Variants in EFCAB5 observed in about 807,000 individuals in gnomAD.
The protein encoded by EFCAB5 is EF-hand calcium binding domain 5, also known as EF-hand calcium-binding domain-containing protein 5.
In EFCAB5, 131 loss-of-function variants were observed where a neutral mutation model predicts 167.9. That is an observed-to-expected ratio of 0.78 (90% CI 0.68 to 0.90). The LOEUF is 0.90. EFCAB5 is among the 40% of genes least tolerant of loss of function. The pLI is 0.00. For synonymous variants in EFCAB5, 574 were observed against 602.8 expected (o/e 0.95, Z 0.70); for missense variants, 1,663 against 1,745.2 (o/e 0.95, Z 0.84).
At chr17:30,065,153 C>A (rs887867547) in intron 14 of EFCAB5, among the ~76,000 whole-genome samples, 5 of 151,874 alleles carry the variant, frequency 3.3e-5, no homozygotes, top group African/African-American at 1.2e-4. Flanking sequence ...AGCAGATACA[C>A]AAAGGAGAAA....
chr17:30,088,823 T>G (rs1567771184), intron 19 of EFCAB5, among the ~76,000 whole-genome samples: 4 of 152,246 alleles, frequency 2.6e-5, no homozygotes, highest in Non-Finnish European at 5.9e-5. Flanking sequence ...TTTGGCCTCA[T>G]GCCAGAATGT....
chr17:30,000,603 T>G (rs533151794), intron 7 of EFCAB5, among the ~76,000 whole-genome samples: 1 of 152,348 alleles, frequency 6.6e-6, no homozygotes, highest in Non-Finnish European at 1.5e-5. Context: ...TGTTTTTCTC[T>G]GATGAGTTCC....
At chr17:30,059,414 A>G (rs1204038184) in intron 13 of EFCAB5, 131 bp from the exon 14 acceptor site, 18 of 998,230 alleles carry the variant, frequency 1.8e-5, no homozygotes, top group African/African-American at 3.2e-5. Flanking sequence ...TTTTCCCTTA[A>G]TATCATGCTT....
At chr17:29,992,930 G>T (rs1006126631) in intron 4 of EFCAB5, among the ~76,000 whole-genome samples, 3 of 152,162 alleles carry the variant, frequency 2.0e-5, no homozygotes, top group African/African-American at 7.2e-5. Context: ...CTAGTATTTA[G>T]TTGGGTAAAA....
At chr17:30,085,578 G>A (rs770254908) in intron 18 of EFCAB5, among the ~76,000 whole-genome samples, 6 of 151,978 alleles carry the variant, frequency 3.9e-5, no homozygotes, top group Non-Finnish European at 5.9e-5. Context: ...AAAATTAGCC[G>A]GGCGCGGTGG....
At position 30,092,932 on chromosome 17, in the gene EFCAB5, C is replaced by A; in HGVS notation, c.4317C>A (p.Ile1439=). The change falls in exon 22 of 23, where the codon ATC becomes ATA. Residue 1439 remains isoleucine (I), a synonymous_variant. Coordinates refer to ENST00000394835, the MANE Select transcript of EFCAB5 (RefSeq NM_198529.4). ...ATGTACAGCTTATTGATGAATATAT[C>A]AGAGGTAAATTTCCACTTAATTACA... The part of the protein sequence containing the change: ...EVNVQLIDEY[I]RDHSRTEVWK... 6.3e-7 allele frequency: 1 copy of A among 1,598,164 alleles called. No homozygotes were observed. Among genetic ancestry groups the A allele is most frequent in the South Asian group, 1.1e-5 (1 of 88,314 alleles).
chr17:29,951,373 T>C (rs566193406), intron 3 of EFCAB5, among the ~76,000 whole-genome samples: 1 of 152,310 alleles, frequency 6.6e-6, no homozygotes, highest in African/African-American at 2.4e-5. Context: ...AGTCTTTCTC[T>C]GTCTCCCAGG....
intron 18 of EFCAB5, among the ~76,000 whole-genome samples, chr17:30,083,784 C>A (rs1226520319): frequency 6.6e-6 from 1 of 152,174 alleles, no homozygotes; most frequent in Non-Finnish European, 1.5e-5. Context: ...TCCTGAGATA[C>A]ATACCCCTGG....
At chr17:30,067,732 T>C (rs1307154258) in intron 14 of EFCAB5, among the ~76,000 whole-genome samples, 1 of 152,178 alleles carries the variant, frequency 6.6e-6, no homozygotes. Context: ...TCATACTAAA[T>C]GGGCAAAAGT....
intron 3 of EFCAB5, among the ~76,000 whole-genome samples, chr17:29,948,931 T>C (rs1393127713): frequency 6.6e-6 from 1 of 152,170 alleles, no homozygotes; most frequent in Non-Finnish European, 1.5e-5. Context: ...ACCTCCTTCC[T>C]TTGCAGCAGT....
chr17:29,963,378 C>T (rs1028892907), intron 3 of EFCAB5, among the ~76,000 whole-genome samples: 5 of 152,106 alleles, frequency 3.3e-5, no homozygotes, highest in African/African-American at 1.2e-4. Context: ...GTTGAGCCAC[C>T]TTTGCATTCC....
At chr17:30,001,694 G>A (rs1252379756) in intron 7 of EFCAB5, among the ~76,000 whole-genome samples, 4 of 151,926 alleles carry the variant, frequency 2.6e-5, no homozygotes. Context: ...AAATTTAAAG[G>A]CATAAAAATG....
chr17:29,975,346 G>A (rs1192408771), intron 4 of EFCAB5, among the ~76,000 whole-genome samples: 4 of 151,292 alleles, frequency 2.6e-5, no homozygotes, highest in South Asian at 4.2e-4. Flanking sequence ...TGCAACCTCC[G>A]CCTCCCGGCA....
At chr17:30,079,322 A>G (rs2070935347) in intron 15 of EFCAB5, among the ~76,000 whole-genome samples, 1 of 152,114 alleles carries the variant, frequency 6.6e-6, no homozygotes, top group African/African-American at 2.4e-5. Context: ...TTTGTTAATG[A>G]CTCCATAGAT....
intron 18 of EFCAB5, among the ~76,000 whole-genome samples, chr17:30,084,119 A>T (rs1441751247): frequency 6.6e-6 from 1 of 152,040 alleles, no homozygotes; most frequent in Non-Finnish European, 1.5e-5. Context: ...GCATGTCCAC[A>T]CTTCCCTCCG....
intron 5 of EFCAB5, 144 bp from the exon 6 acceptor site, chr17:29,996,168 T>C (rs1484804202): frequency 4.9e-6 from 3 of 612,246 alleles, no homozygotes; most frequent in Admixed American, 3.0e-5. Context: ...ATGTGACTTA[T>C]TACTATTTCT....
At chr17:30,059,402 C>A in intron 13 of EFCAB5, 143 bp from the exon 14 acceptor site, 2 of 838,414 alleles carry the variant, frequency 2.4e-6, no homozygotes, top group Non-Finnish European at 3.4e-6. Flanking sequence ...TGAATCACTG[C>A]ATTTTCCCTT....
At chr17:30,067,821 A>G (rs2070615966) in intron 14 of EFCAB5, among the ~76,000 whole-genome samples, 1 of 152,198 alleles carries the variant, frequency 6.6e-6, no homozygotes, top group Non-Finnish European at 1.5e-5. Context: ...TGTCTATTCT[A>G]GATGTCTTAG....
chr17:29,972,373 G>A (rs1469267959), intron 4 of EFCAB5: 1 of 151,972 alleles, frequency 6.6e-6, no homozygotes, highest in African/African-American at 2.4e-5. Context: ...ATGGATTCCT[G>A]GCTCCTTTTA....
Sources: allele counts gnomAD v4.1 joint callset (sites outside exome capture counted in the v4.1 genomes callset), GRCh38; gene constraint gnomAD v4.1.1; transcripts MANE v1.5; gene names NCBI Gene and HGNC (gene_info 2026-07-23, HGNC 2026-07-21).